The following SLC2A12 variants were observed in gnomAD, a reference collection of about 807,000 sequenced individuals.
SLC2A12 encodes the protein solute carrier family 2, facilitated glucose transporter member 12.
A neutral mutation model predicts 41.8 loss-of-function variants in SLC2A12; 23 were observed. The observed-to-expected ratio is 0.55, with a 90% CI of 0.40 to 0.78. SLC2A12 has a LOEUF of 0.78. Among genes scored for constraint, SLC2A12 ranks in the 30% least tolerant of loss-of-function variants. The pLI, the probability that SLC2A12 is intolerant of heterozygous loss-of-function variation, is 0.00. For synonymous variants in SLC2A12, 295 were observed against 285.9 expected (o/e 1.03, Z -0.32); for missense variants, 654 against 745.6 (o/e 0.88, Z 1.43).
chr6:134,022,558 G>GAAAA (rs1167920170), intron 2 of SLC2A12, among the ~76,000 whole-genome samples: 1 of 81,244 alleles, frequency 1.2e-5, no homozygotes, highest in South Asian at 3.2e-4. Context: ...GAAAAGAAAA[G>GAAAA]AAAAGAAAAG....
chr6:134,032,454 ATATATATATATTTT>A lies in SLC2A12; in HGVS notation c.104-2747_104-2734del, dbSNP rs1427524577. 2.4e-3 allele frequency among the ~76,000 whole-genome samples: 88 copies of A among 37,030 alleles called. 2 individuals are homozygous for A. The highest frequency in any genetic ancestry group is 6.5e-3 in the African/African-American group (56 of 8,644). The allele number at this position is 37,030 out of a possible 152,430, so 24.3% of individuals were successfully genotyped here. On this transcript the variant is annotated intron_variant, in intron 1 of 4. Transcript: ENST00000275230. ...TATATATATATATATATATAAATATATATATATATATTTTTATATATATATATATATATTTGTTC... is the reference window on the plus strand; with the variant it reads ...TATATATATATATATATATAAATATATATATATATATATATATATTTGTTC...
intron 4 of SLC2A12, among the ~76,000 whole-genome samples, chr6:133,998,542 T>G (rs200291583): frequency 3.3e-5 from 5 of 152,178 alleles, no homozygotes; most frequent in East Asian, 3.8e-4. Flanking sequence ...ATTTTACTTT[T>G]TGTGTGTGTG....
intron 1 of SLC2A12, among the ~76,000 whole-genome samples, chr6:134,051,715 G>C (rs2098751445): frequency 6.6e-6 from 1 of 152,162 alleles, no homozygotes. Flanking sequence ...TTCACCTTCA[G>C]AAGGTCATCA....
chr6:134,019,397 G>T (rs940909151), intron 2 of SLC2A12, among the ~76,000 whole-genome samples: 2 of 152,158 alleles, frequency 1.3e-5, no homozygotes, highest in Non-Finnish European at 2.9e-5. Context: ...TCTTCACAAT[G>T]TCAAGAATCT....
At chr6:134,014,287 G>C (rs1158913381) in intron 2 of SLC2A12, among the ~76,000 whole-genome samples, 1 of 152,168 alleles carries the variant, frequency 6.6e-6, no homozygotes, top group African/African-American at 2.4e-5. Context: ...AGGAGGTAGA[G>C]CTCAGCTTCA....
At position 134,029,559 on chromosome 6, in the gene SLC2A12, C is replaced by CCAATGA. The variant is rs1292181642; in HGVS notation, c.260_265dup (p.Val87_Ile88dup). 6.2e-7 allele frequency: 1 copy of CCAATGA among 1,613,986 alleles called. No homozygotes were observed. The highest frequency in any genetic ancestry group is 1.3e-5 in the African/African-American group (1 of 74,894). On this transcript the variant is annotated inframe_insertion, in exon 2 of 5. Coordinates refer to ENST00000275230, the MANE Select transcript of SLC2A12 (RefSeq NM_145176.3). ...TCCGGTGAGTGAGGCAAGGAGGGCT[C>CCAATGA]CAATGACGAGGGAGCTCACAACCAT...
At chr6:134,041,514 G>C (rs542039885) in intron 1 of SLC2A12, among the ~76,000 whole-genome samples, 1 of 152,160 alleles carries the variant, frequency 6.6e-6, no homozygotes, top group South Asian at 2.1e-4. Flanking sequence ...AGAAAGAAAG[G>C]GAAGTGATAA....
intron 1 of SLC2A12, among the ~76,000 whole-genome samples, chr6:134,045,804 A>G (rs1777448688): frequency 6.6e-6 from 1 of 152,228 alleles, no homozygotes; most frequent in Admixed American, 6.5e-5. Context: ...CATAATACGG[A>G]GGTAAAGCTT....
intron 2 of SLC2A12, among the ~76,000 whole-genome samples, chr6:134,025,554 GTTGTT>G (rs1461602388): frequency 6.6e-6 from 1 of 152,102 alleles, no homozygotes; most frequent in Non-Finnish European, 1.5e-5. Context: ...TTTCTCTTTT[GTTGTT>G]TTGTTTTCTT....
intron 2 of SLC2A12, among the ~76,000 whole-genome samples, chr6:134,018,597 T>C (rs1776998235): frequency 6.6e-6 from 1 of 152,166 alleles, no homozygotes; most frequent in Non-Finnish European, 1.5e-5. Context: ...GCCCAAATGT[T>C]ACCACCTCAG....
intron 4 of SLC2A12, among the ~76,000 whole-genome samples, chr6:133,999,616 C>A (rs912337224): frequency 6.6e-6 from 1 of 152,286 alleles, no homozygotes; most frequent in African/African-American, 2.4e-5. Flanking sequence ...TGAGAAGCCA[C>A]TGGGGAGGAC....
chr6:134,033,915 G>A (rs1777257534), intron 1 of SLC2A12, among the ~76,000 whole-genome samples: 1 of 151,898 alleles, frequency 6.6e-6, no homozygotes, highest in South Asian at 2.1e-4. Context: ...ACAGAAGAGG[G>A]ACCCAACCTC....
chr6:134,047,198 C>T (rs1261615023), intron 1 of SLC2A12, among the ~76,000 whole-genome samples: 2 of 152,136 alleles, frequency 1.3e-5, no homozygotes, highest in East Asian at 3.9e-4. Flanking sequence ...ACTCATCCTT[C>T]TGGGGGAGAC....
At chr6:134,025,027 C>G (rs1242965445) in intron 2 of SLC2A12, among the ~76,000 whole-genome samples, 1 of 152,144 alleles carries the variant, frequency 6.6e-6, no homozygotes, top group Non-Finnish European at 1.5e-5. Context: ...TATATCTCAG[C>G]CTTATAAAAA....
chr6:134,048,286 T>G (rs2811686), intron 1 of SLC2A12, among the ~76,000 whole-genome samples: 29,876 of 152,154 alleles, frequency 0.2, 3,272 homozygotes, highest in South Asian at 0.38. Context: ...CCTCCATAAA[T>G]GAACACGTCT....
chr6:134,025,507 T>C (rs944974670), intron 2 of SLC2A12, among the ~76,000 whole-genome samples: 2 of 152,220 alleles, frequency 1.3e-5, no homozygotes, highest in Admixed American at 1.3e-4. Context: ...AAAATTAGCA[T>C]AGAATGTTAT....
Position 134,040,633 on chromosome 6 carries a change from C to T in SLC2A12, c.104-10912G>A, listed in dbSNP as rs534589213. On this transcript the variant is annotated intron_variant, in intron 1 of 4. Coordinates refer to ENST00000275230, the MANE Select transcript of SLC2A12 (RefSeq NM_145176.3). ...GCCGCAGCTCCAGGAATTACGTTCC[C>T]TCACAACCACATCCATAGGCAGGAG... Among the ~76,000 whole-genome samples the T allele has an allele frequency of 2.5e-3, 385 of 152,326 alleles. 2 individuals carry two copies. The highest frequency in any genetic ancestry group is 2.5e-3 in the Non-Finnish European group (170 of 68,032).
rs1156524343 is a variant in SLC2A12 at position 134,006,468 on chromosome 6, C to T, written c.1567+344G>A. 2.6e-5 allele frequency among the ~76,000 whole-genome samples: 4 copies of T among 152,006 alleles called. No homozygotes were observed. The East Asian group carries it at 7.7e-4, about 29-fold the overall frequency. On this transcript the variant is annotated intron_variant, in intron 3 of 4. Coordinates refer to ENST00000275230, the MANE Select transcript of SLC2A12 (RefSeq NM_145176.3). ...AAGACAATTAAAACATGAACACAGA[C>T]TAGGTGTTTGATACTATGGGATGAT...
intron 3 of SLC2A12, among the ~76,000 whole-genome samples, chr6:134,004,243 G>A (rs531250701): frequency 1.4e-4 from 22 of 152,186 alleles, no homozygotes; most frequent in East Asian, 1.2e-3. Flanking sequence ...TGTTGAGTAC[G>A]TGTGTGCACA....
Sources: allele counts gnomAD v4.1 joint callset (sites outside exome capture counted in the v4.1 genomes callset), GRCh38; gene constraint gnomAD v4.1.1; transcripts MANE v1.5; gene names NCBI Gene and HGNC (gene_info 2026-07-23, HGNC 2026-07-21).